SYN3: variants seen among roughly 807,000 people sequenced by gnomAD.
SYN3 encodes synapsin-3.
A neutral mutation model predicts 65.8 loss-of-function variants in SYN3; 35 were observed. The observed-to-expected ratio is 0.53, with a 90% CI of 0.41 to 0.70. The LOEUF (loss-of-function observed/expected upper bound fraction) is 0.70, where lower values mean the gene tolerates loss of function less well. Among genes scored for constraint, SYN3 ranks in the 30% least tolerant of loss-of-function variants. SYN3 has a pLI of 0.00. For missense variants in SYN3, 680 were observed against 749.0 expected (o/e 0.91, Z 1.08); for synonymous variants, 270 against 292.9 (o/e 0.92, Z 0.80).
chr22:32,862,824 C>A (rs1002536429), intron 6 of SYN3: 5 of 152,594 alleles, frequency 3.3e-5, no homozygotes, highest in African/African-American at 1.2e-4. Flanking sequence ...TGTCCTGAAA[C>A]CCAGAAGTGA....
At chr22:32,745,112 C>G (rs1273243932) in intron 6 of SYN3, among the ~76,000 whole-genome samples, 1 of 152,178 alleles carries the variant, frequency 6.6e-6, no homozygotes, top group African/African-American at 2.4e-5. Flanking sequence ...CAGAAGTTCA[C>G]TGCTAGGAAC....
chr22:32,723,210 G>A (rs2061143794), intron 6 of SYN3, among the ~76,000 whole-genome samples: 1 of 152,212 alleles, frequency 6.6e-6, no homozygotes, highest in Admixed American at 6.5e-5. Flanking sequence ...CAGATCACCA[G>A]GGTTCAACTC....
chr22:32,686,740 C>G (rs1238012711), intron 6 of SYN3, among the ~76,000 whole-genome samples: 5 of 151,776 alleles, frequency 3.3e-5, no homozygotes, highest in South Asian at 2.1e-4. Flanking sequence ...GGATTACAGG[C>G]GCCCACCACC....
intron 6 of SYN3, among the ~76,000 whole-genome samples, chr22:32,601,197 T>A (rs982380084): frequency 6.6e-6 from 1 of 152,184 alleles, no homozygotes; most frequent in African/African-American, 2.4e-5. Context: ...AGTAAGATAT[T>A]TCACAGAAAA....
chr22:32,963,971 T>A (rs2051741490), intron 3 of SYN3, among the ~76,000 whole-genome samples: 1 of 152,068 alleles, frequency 6.6e-6, no homozygotes, highest in Non-Finnish European at 1.5e-5. Flanking sequence ...TTGCTTTTCC[T>A]GGCAGCACTA....
At chr22:32,767,761 T>C (rs1189287878) in intron 6 of SYN3, among the ~76,000 whole-genome samples, 2 of 152,366 alleles carry the variant, frequency 1.3e-5, no homozygotes, top group East Asian at 3.9e-4. Flanking sequence ...GAGCTCAGAA[T>C]TGTCACCAGA....
intron 6 of SYN3, among the ~76,000 whole-genome samples, chr22:32,677,895 C>A (rs2060469003): frequency 6.6e-6 from 1 of 151,978 alleles, no homozygotes; most frequent in Non-Finnish European, 1.5e-5. Flanking sequence ...CACAGATAGG[C>A]ATGTATGTTG....
At chr22:32,909,720 A>C (rs1254015030) in intron 4 of SYN3, among the ~76,000 whole-genome samples, 1 of 148,348 alleles carries the variant, frequency 6.7e-6, no homozygotes, top group South Asian at 2.1e-4. Flanking sequence ...CATTTCTCAA[A>C]TGTATCCCAT....
intron 6 of SYN3, among the ~76,000 whole-genome samples, chr22:32,677,400 C>A (rs2060461188): frequency 6.6e-6 from 1 of 152,142 alleles, no homozygotes; most frequent in African/African-American, 2.4e-5. Flanking sequence ...AGTGTGCATA[C>A]CATAAATCCT....
At chr22:32,822,816 T>C (rs543838596) in intron 6 of SYN3, among the ~76,000 whole-genome samples, 4 of 152,094 alleles carry the variant, frequency 2.6e-5, no homozygotes, top group Middle Eastern at 6.8e-3. Context: ...GAAAGGTGAA[T>C]GAAAGAGTCA....
intron 3 of SYN3, among the ~76,000 whole-genome samples, chr22:32,946,888 G>GA (rs1304517943): frequency 1.3e-5 from 2 of 152,106 alleles, no homozygotes; most frequent in African/African-American, 4.8e-5. Context: ...CTAGATGAGG[G>GA]CTATATATAG....
chr22:33,016,076 C>T (rs2145843684), intron 1 of SYN3, among the ~76,000 whole-genome samples: 1 of 152,126 alleles, frequency 6.6e-6, no homozygotes, highest in South Asian at 2.1e-4. Flanking sequence ...GAACTCCTGA[C>T]CTCAGGTGAT....
chr22:32,718,846 C>T (rs956743348), intron 6 of SYN3, among the ~76,000 whole-genome samples: 2 of 152,200 alleles, frequency 1.3e-5, no homozygotes, highest in Non-Finnish European at 2.9e-5. Context: ...ACTTACCTAC[C>T]GGCACCCAGC....
chr22:33,028,909 G>A (rs964456256), intron 1 of SYN3, among the ~76,000 whole-genome samples: 4 of 151,964 alleles, frequency 2.6e-5, no homozygotes, highest in African/African-American at 7.2e-5. Flanking sequence ...GCGTGGTGGC[G>A]GGCGCCTGTA....
rs997817767 is a variant in SYN3 at position 32,919,341 on chromosome 22, C to A, written c.461+12049G>T. On this transcript the variant is annotated intron_variant, in intron 4 of 13. Coordinates refer to ENST00000358763, the MANE Select transcript of SYN3 (RefSeq NM_003490.4). ...CCTGTTTCTCATGACCTGCCCTTAG[C>A]CCACATATCTGCTTACTTATTGATT... Among the ~76,000 whole-genome samples the A allele has an allele frequency of 5.3e-5, 8 of 152,306 alleles. No individual in the cohort carries two copies. In the East Asian group the frequency reaches 1.5e-3, roughly 29 times the overall value.
At chr22:32,602,294 C>T (rs940854787) in intron 6 of SYN3, among the ~76,000 whole-genome samples, 21 of 152,204 alleles carry the variant, frequency 1.4e-4, no homozygotes, top group Non-Finnish European at 2.6e-4. Context: ...GCCCATCCCT[C>T]ACCACGTGCA....
chr22:32,781,395 G>C (rs915722035), intron 6 of SYN3, among the ~76,000 whole-genome samples: 1 of 152,104 alleles, frequency 6.6e-6, no homozygotes, highest in Non-Finnish European at 1.5e-5. Context: ...AAAGCTTAGG[G>C]AGCAAGGCTA....
At chr22:32,628,104 T>C (rs1601793191) in intron 6 of SYN3, among the ~76,000 whole-genome samples, 1 of 152,074 alleles carries the variant, frequency 6.6e-6, no homozygotes, top group Non-Finnish European at 1.5e-5. Context: ...GGATTACAGG[T>C]GTGAGCCACC....
intron 6 of SYN3, among the ~76,000 whole-genome samples, chr22:32,835,308 T>C (rs1601495498): frequency 6.6e-6 from 1 of 152,254 alleles, no homozygotes; most frequent in Admixed American, 6.5e-5. Context: ...TAGATACAAT[T>C]GTGAGCAAAG....
Sources: gnomAD v4.1 joint callset for allele counts (sites outside exome capture counted in the v4.1 genomes callset) on GRCh38, gnomAD v4.1.1 for gene constraint, MANE v1.5 for transcripts, NCBI Gene and HGNC (gene_info 2026-07-23, HGNC 2026-07-21) for gene names.